Variants in EPHB1 observed in about 807,000 individuals in gnomAD.
The protein encoded by EPHB1 is EPH receptor B1, also known as ephrin type-B receptor 1.
EPHB1 carries 30 observed loss-of-function variants against 94.4 expected under a neutral mutation model. The ratio of observed to expected loss-of-function variants is 0.32; its 90% CI spans 0.24 to 0.43. The LOEUF is 0.43. Ranked by LOEUF, EPHB1 falls within the 20% of genes least tolerant of loss-of-function variation. The pLI, the probability that EPHB1 is intolerant of heterozygous loss-of-function variation, is 1.00. For synonymous variants in EPHB1, 522 were observed against 489.1 expected, an observed-to-expected ratio of 1.07 and a Z score of -0.89; for missense variants, 1,055 against 1,308.3, an observed-to-expected ratio of 0.81 and a Z score of 2.99.
At chr3:134,918,420 A>G (rs1303928031) in intron 1 of EPHB1, among the ~76,000 whole-genome samples, 1 of 152,258 alleles carries the variant, frequency 6.6e-6, no homozygotes, top group African/African-American at 2.4e-5. Context: ...TTTGAAAATC[A>G]TAAAGTAGAG....
At chr3:135,054,945 GA>G in intron 3 of EPHB1, among the ~76,000 whole-genome samples, 1 of 152,174 alleles carries the variant, frequency 6.6e-6, no homozygotes, top group South Asian at 2.1e-4. Flanking sequence ...AATTTAGTAT[GA>G]AATTAACAGA....
At chr3:135,257,527 T>TG (rs957560800) in intron 15 of EPHB1, among the ~76,000 whole-genome samples, 11 of 152,056 alleles carry the variant, frequency 7.2e-5, no homozygotes, top group South Asian at 2.1e-4. Flanking sequence ...GTTAGGTTGC[T>TG]GGGGGGGTCA....
chr3:135,065,956 A>G (rs1315520102), intron 3 of EPHB1, among the ~76,000 whole-genome samples: 2 of 152,164 alleles, frequency 1.3e-5, no homozygotes, highest in African/African-American at 4.8e-5. Flanking sequence ...TTAGCATATG[A>G]TGCTTAGTTT....
Position 134,934,686 on chromosome 3 carries a change from C to T in EPHB1, c.123+8806C>T, listed in dbSNP as rs574028503. 5.2e-4 allele frequency among the ~76,000 whole-genome samples: 68 copies of T among 131,160 alleles called. No homozygotes were observed. The East Asian group carries it at 7.0e-3, about 13-fold the overall frequency. The allele number at this position is 131,160 out of a possible 152,430, so 86.0% of individuals were successfully genotyped here. A position where few individuals can be genotyped will look rare whatever the true frequency, so the allele number is the denominator to read the frequency against. ...TATTGGATATGACTTTGTGTGTGTGCGGTATGGGTGGGGGAGGGGAGTGGG... is the reference window on the plus strand; with the variant it reads ...TATTGGATATGACTTTGTGTGTGTGTGGTATGGGTGGGGGAGGGGAGTGGG... On this transcript the variant is annotated intron_variant, in intron 2 of 15. Transcript: ENST00000398015.
chr3:134,826,671 G>A (rs2036484506), intron 1 of EPHB1, among the ~76,000 whole-genome samples: 1 of 152,208 alleles, frequency 6.6e-6, no homozygotes, highest in Non-Finnish European at 1.5e-5. Flanking sequence ...CATTTAGAGA[G>A]ATAAAATTAA....
At chr3:135,042,967 G>A (rs1031289333) in intron 3 of EPHB1, among the ~76,000 whole-genome samples, 2 of 151,712 alleles carry the variant, frequency 1.3e-5, no homozygotes, top group South Asian at 2.1e-4. Context: ...TCAGTCTCCC[G>A]AGTAGCTGGG....
chr3:134,837,525 A>C (rs142268323), intron 1 of EPHB1, among the ~76,000 whole-genome samples: 103 of 152,190 alleles, frequency 6.8e-4, no homozygotes, highest in African/African-American at 2.4e-3. Flanking sequence ...GTCCTGGGAG[A>C]TGGCGGGGAG....
chr3:134,843,353 G>A (rs1239366611), intron 1 of EPHB1, among the ~76,000 whole-genome samples: 1 of 152,182 alleles, frequency 6.6e-6, no homozygotes, highest in Non-Finnish European at 1.5e-5. Flanking sequence ...GATGTATCTA[G>A]TTGGGAATCT....
intron 1 of EPHB1, among the ~76,000 whole-genome samples, chr3:134,844,632 A>T (rs984722106): frequency 6.6e-6 from 1 of 152,156 alleles, no homozygotes; most frequent in African/African-American, 2.4e-5. Context: ...CAGGACCTTC[A>T]TATCAGCAGA....
At chr3:135,210,213 A>G (rs1324472774) in intron 12 of EPHB1, among the ~76,000 whole-genome samples, 1 of 152,214 alleles carries the variant, frequency 6.6e-6, no homozygotes. Flanking sequence ...AGACTCATTG[A>G]AGTAGAATAG....
chr3:134,855,310 A>G (rs1194479041), intron 1 of EPHB1, among the ~76,000 whole-genome samples: 4 of 152,210 alleles, frequency 2.6e-5, no homozygotes, highest in African/African-American at 9.6e-5. Flanking sequence ...AAGAGTCTGG[A>G]GAAGCTCCCC....
chr3:135,197,957 ATT>A lies in EPHB1; in HGVS notation c.2131-3515_2131-3514del, dbSNP rs551862404. Among the ~76,000 whole-genome samples, 119 of 152,344 alleles carry A rather than the reference ATT, an allele frequency of 7.8e-4. 2 individuals are homozygous for A. The South Asian group carries it at 0.024, about 30-fold the overall frequency. On this transcript the variant is annotated intron_variant, in intron 11 of 15. Transcript: ENST00000398015. ...AATCTTAATATGTTTTTATCTTTAA[ATT>A]TCACCAAGGTTACGAATTCAGCAGA...
At chr3:134,918,613 A>T (rs772540079) in intron 1 of EPHB1, among the ~76,000 whole-genome samples, 48 of 152,248 alleles carry the variant, frequency 3.2e-4, no homozygotes, top group Middle Eastern at 6.8e-3. Flanking sequence ...CACTCAGTTG[A>T]AACACTGTCT....
intron 3 of EPHB1, among the ~76,000 whole-genome samples, chr3:135,066,519 A>G (rs746553686): frequency 6.6e-6 from 1 of 152,156 alleles, no homozygotes; most frequent in African/African-American, 2.4e-5. Flanking sequence ...TTGCATTTCT[A>G]TAAGTGTGTC....
intron 3 of EPHB1, among the ~76,000 whole-genome samples, chr3:135,072,684 G>C (rs2107782634): frequency 6.6e-6 from 1 of 152,280 alleles, no homozygotes; most frequent in East Asian, 1.9e-4. Context: ...TTCTTTTTGT[G>C]GCTGGCTCTG....
rs9814133 is a variant in EPHB1, at chr3:135,246,079, A to G, written c.2497-2237A>G. On this transcript the variant is annotated intron_variant, in intron 13 of 15. Coordinates refer to ENST00000398015, the MANE Select transcript of EPHB1 (RefSeq NM_004441.5). The stretch of plus-strand genomic sequence containing the variant: ...AGCTGTCTTGTCAGTGAGGAAAATT[A>G]GTATCTGGGGCTCTAGCATCTAATG... Among the ~76,000 whole-genome samples the G allele has an allele frequency of 3.3e-3, 496 of 152,250 alleles. 3 individuals carry two copies. Among genetic ancestry groups the G allele is most frequent in the South Asian group, 6.9e-3 (33 of 4,816 alleles).
At position 135,239,821 on chromosome 3, in the gene EPHB1, T is replaced by A. The variant is rs567092611; in HGVS notation, c.2347-1327T>A. 2.6e-5 allele frequency among the ~76,000 whole-genome samples: 4 copies of A among 152,344 alleles called. No individual in the cohort carries two copies. The South Asian group carries it at 8.3e-4, about 32-fold the overall frequency. On this transcript the variant is annotated intron_variant, in intron 12 of 15. Coordinates refer to ENST00000398015, the MANE Select transcript of EPHB1 (RefSeq NM_004441.5). Reference sequence around the variant, plus strand: ...TCCCTGGCCGTTGAGAAAGCTGCTCTCTGCCTGGACTTCCCTCCTCCAGTC... The same window carrying A: ...TCCCTGGCCGTTGAGAAAGCTGCTCACTGCCTGGACTTCCCTCCTCCAGTC...
At chr3:135,232,955 A>C (rs546130230) in intron 12 of EPHB1, among the ~76,000 whole-genome samples, 1 of 152,342 alleles carries the variant, frequency 6.6e-6, no homozygotes, top group South Asian at 2.1e-4. Flanking sequence ...CTCCATGATT[A>C]AATTACCTCC....
At chr3:134,844,918 AG>A (rs1386802656) in intron 1 of EPHB1, among the ~76,000 whole-genome samples, 2 of 152,138 alleles carry the variant, frequency 1.3e-5, no homozygotes, top group Non-Finnish European at 2.9e-5. Context: ...CTGGCTGTGG[AG>A]TCCCTGGAGA....
Sources: allele counts gnomAD v4.1 joint callset (sites outside exome capture counted in the v4.1 genomes callset), GRCh38; gene constraint gnomAD v4.1.1; transcripts MANE v1.5; gene names NCBI Gene and HGNC (gene_info 2026-07-23, HGNC 2026-07-21).